LARGE1: variants seen among roughly 807,000 people sequenced by gnomAD.
LARGE1 encodes xylosyl- and glucuronyltransferase LARGE1.
A neutral mutation model predicts 87.6 loss-of-function variants in LARGE1; 43 were observed. The observed-to-expected ratio is 0.49, with a 90% CI of 0.38 to 0.63. The LOEUF (loss-of-function observed/expected upper bound fraction) is 0.63, where lower values mean the gene tolerates loss of function less well. LARGE1 is among the 30% of genes least tolerant of loss of function. LARGE1 has a pLI of 0.00. For missense variants in LARGE1, 802 were observed against 1,000.2 expected (o/e 0.80, Z 2.67); for synonymous variants, 434 against 394.6 (o/e 1.10, Z -1.18).
At chr22:33,400,610 A>T (rs1032412529) in intron 7 of LARGE1, among the ~76,000 whole-genome samples, 30 of 152,152 alleles carry the variant, frequency 2.0e-4, no homozygotes, top group Non-Finnish European at 3.7e-4. Flanking sequence ...GAAGGGAGAG[A>T]TGGCGTGGAT....
chr22:33,484,800 C>T (rs986621272), intron 6 of LARGE1, among the ~76,000 whole-genome samples: 1 of 152,122 alleles, frequency 6.6e-6, no homozygotes, highest in African/African-American at 2.4e-5. Flanking sequence ...TCTGACCTCT[C>T]TTACCCATTC....
chr22:33,213,658 T>G (rs966615699), intron 11 of LARGE1, among the ~76,000 whole-genome samples: 2 of 152,202 alleles, frequency 1.3e-5, no homozygotes, highest in Admixed American at 1.3e-4. Flanking sequence ...TGTTAACATT[T>G]TGGGGGCAAT....
intron 1 of LARGE1, among the ~76,000 whole-genome samples, chr22:33,854,515 C>G (rs2063701813): frequency 6.6e-6 from 1 of 152,054 alleles, no homozygotes; most frequent in Non-Finnish European, 1.5e-5. Flanking sequence ...CTAATCAAGC[C>G]CCCTTACTCA....
intron 6 of LARGE1, among the ~76,000 whole-genome samples, chr22:33,509,440 T>G (rs541587345): frequency 6.6e-6 from 1 of 152,084 alleles, no homozygotes; most frequent in Non-Finnish European, 1.5e-5. Context: ...GAGTCCTCTA[T>G]GGAAAGAGGG....
intron 6 of LARGE1, among the ~76,000 whole-genome samples, chr22:33,557,963 G>A (rs941775895): frequency 1.3e-5 from 2 of 152,158 alleles, no homozygotes; most frequent in South Asian, 2.1e-4. Flanking sequence ...GCCAAGCCTC[G>A]CCCTTTCCCA....
At chr22:33,344,267 T>A (rs982982115) in intron 9 of LARGE1, among the ~76,000 whole-genome samples, 1 of 152,214 alleles carries the variant, frequency 6.6e-6, no homozygotes, top group Admixed American at 6.5e-5. Flanking sequence ...ATCTCATTTA[T>A]TTATTCAACA....
intron 7 of LARGE1, among the ~76,000 whole-genome samples, chr22:33,414,728 G>A (rs1362109326): frequency 6.6e-6 from 1 of 152,182 alleles, no homozygotes; most frequent in East Asian, 1.9e-4. Flanking sequence ...CCAAGAGGAT[G>A]GTATTGGGGA....
chr22:33,298,796 A>C (rs1266154434), intron 12 of LARGE1, among the ~76,000 whole-genome samples: 1 of 152,142 alleles, frequency 6.6e-6, no homozygotes. Flanking sequence ...GCACCACTGC[A>C]CTCCAGCCTG....
At chr22:33,516,818 T>C (rs1319599619) in intron 6 of LARGE1, among the ~76,000 whole-genome samples, 1 of 152,076 alleles carries the variant, frequency 6.6e-6, no homozygotes, top group African/African-American at 2.4e-5. Flanking sequence ...TCTCTTGACC[T>C]TGTGATGCGC....
intron 9 of LARGE1, among the ~76,000 whole-genome samples, chr22:33,364,086 G>A (rs981360152): frequency 1.3e-5 from 2 of 149,876 alleles, no homozygotes; most frequent in African/African-American, 2.5e-5. Context: ...ACGGAGTCTC[G>A]CTCTGTCGCC....
chr22:33,457,039 GTAGTCACTTGTA>G (rs141764043), intron 6 of LARGE1, among the ~76,000 whole-genome samples: 49 of 152,278 alleles, frequency 3.2e-4, no homozygotes, highest in African/African-American at 1.1e-3. Context: ...CTAAGAGATG[GTAGTCACTTGTA>G]TAGCATCACT....
chr22:33,305,538 A>G, intron 11 of LARGE1: 1 of 973,444 alleles, frequency 1.0e-6, no homozygotes, highest in Non-Finnish European at 1.2e-6. Flanking sequence ...TTACCCAGCA[A>G]GAGGTACGTA....
intron 6 of LARGE1, among the ~76,000 whole-genome samples, chr22:33,452,384 C>T (rs5754560): frequency 0.21 from 32,487 of 152,070 alleles, 4,142 homozygotes; most frequent in African/African-American, 0.35. Flanking sequence ...GCCATTTCCC[C>T]TGCTCAGAGC....
intron 1 of LARGE1, among the ~76,000 whole-genome samples, chr22:33,805,798 T>C (rs906972248): frequency 2.0e-5 from 3 of 152,026 alleles, no homozygotes; most frequent in African/African-American, 7.2e-5. Flanking sequence ...ATAACAACCA[T>C]CATTATACCT....
At chr22:33,201,618 C>T (rs560510570) in intron 11 of LARGE1, among the ~76,000 whole-genome samples, 1 of 151,872 alleles carries the variant, frequency 6.6e-6, no homozygotes, top group Non-Finnish European at 1.5e-5. Context: ...GAGAGGTACT[C>T]CAGAAAAAGC....
At chr22:33,623,778 C>G (rs983046917) in intron 4 of LARGE1, among the ~76,000 whole-genome samples, 7 of 151,584 alleles carry the variant, frequency 4.6e-5, no homozygotes, top group Non-Finnish European at 7.4e-5. Flanking sequence ...CACCTGTAAT[C>G]CCAGCACTTT....
At chr22:33,552,848 A>T (rs62227064) in intron 6 of LARGE1, among the ~76,000 whole-genome samples, 9,526 of 152,266 alleles carry the variant, frequency 0.063, 433 homozygotes, top group Non-Finnish European at 0.096. Flanking sequence ...ATGACAAAAC[A>T]CCTGCAAAAT....
chr22:33,863,351 G>A (rs572986374), intron 1 of LARGE1, among the ~76,000 whole-genome samples: 68 of 152,226 alleles, frequency 4.5e-4, no homozygotes, highest in Non-Finnish European at 7.4e-4. Context: ...CTGCCGTCTC[G>A]GCTTGCCCAA....
chr22:33,255,538 T>C (rs957240498), intron 11 of LARGE1, among the ~76,000 whole-genome samples: 2 of 152,186 alleles, frequency 1.3e-5, no homozygotes, highest in African/African-American at 4.8e-5. Context: ...CAGATGTAAG[T>C]TGATTTTAAT....
Sources: allele counts gnomAD v4.1 joint callset (sites outside exome capture counted in the v4.1 genomes callset), GRCh38; gene constraint gnomAD v4.1.1; transcripts MANE v1.5; gene names NCBI Gene and HGNC (gene_info 2026-07-23, HGNC 2026-07-21).